The following LPP variants were observed in gnomAD, a reference collection of about 807,000 sequenced individuals.
LPP encodes the protein LIM domain containing preferred translocation partner in lipoma, also known as lipoma-preferred partner.
LPP carries 38 observed loss-of-function variants against 60.4 expected under a neutral mutation model. That is an observed-to-expected ratio of 0.63 (90% confidence interval 0.49 to 0.83). The LOEUF is 0.83. Ranked by LOEUF, LPP falls within the 40% of genes least tolerant of loss-of-function variation. The pLI is 0.00. For synonymous variants in LPP, 328 were observed against 290.8 expected, an observed-to-expected ratio of 1.13 and a Z score of -1.30; for missense variants, 902 against 783.6, an observed-to-expected ratio of 1.15 and a Z score of -1.80.
chr3:188,800,826 A>G (rs1747009699), intron 9 of LPP, among the ~76,000 whole-genome samples: 1 of 152,144 alleles, frequency 6.6e-6, no homozygotes, highest in Non-Finnish European at 1.5e-5. Flanking sequence ...TATGCTTAGT[A>G]ACTGCTTGCC....
At chr3:188,466,087 C>T (rs746035749) in intron 4 of LPP, among the ~76,000 whole-genome samples, 1 of 152,058 alleles carries the variant, frequency 6.6e-6, no homozygotes, top group African/African-American at 2.4e-5. Flanking sequence ...CTTTAGACTG[C>T]CTGGTGACTA....
chr3:188,250,313 G>A (rs1424784688), intron 2 of LPP, among the ~76,000 whole-genome samples: 1 of 152,042 alleles, frequency 6.6e-6, no homozygotes, highest in Non-Finnish European at 1.5e-5. Flanking sequence ...GTTTCTTCAT[G>A]TTTTGATTCA....
At chr3:188,579,327 C>T (rs542429632) in intron 6 of LPP, among the ~76,000 whole-genome samples, 3 of 152,260 alleles carry the variant, frequency 2.0e-5, no homozygotes, top group Non-Finnish European at 2.9e-5. Flanking sequence ...GAAAAAAGGT[C>T]GGAAAGTGAC....
Position 188,259,137 on chromosome 3 carries a change from TTA to T in LPP, c.-67+33613_-67+33614del, listed in dbSNP as rs573275831. 4.2e-3 allele frequency among the ~76,000 whole-genome samples: 633 copies of T among 152,330 alleles called. 4 individuals carry two copies. The highest frequency in any genetic ancestry group is 0.015 in the African/African-American group (612 of 41,572). On this transcript the variant is annotated intron_variant, in intron 2 of 11. Coordinates refer to ENST00000617246, the MANE Select transcript of LPP (RefSeq NM_001375462.1). ...TACTCCAGAACATACTATGGCTTGT[TTA>T]TACTAGCTTGAATATTTGTAGTCTC... is the stretch of plus-strand genomic sequence containing the variant.
chr3:188,464,412 G>C (rs1799864068), intron 4 of LPP, among the ~76,000 whole-genome samples: 1 of 152,156 alleles, frequency 6.6e-6, no homozygotes, highest in African/African-American at 2.4e-5. Context: ...GTGCTCAGTA[G>C]CCATCCCTTG....
chr3:188,250,196 C>T (rs1219401313), intron 2 of LPP, among the ~76,000 whole-genome samples: 1 of 152,108 alleles, frequency 6.6e-6, no homozygotes, highest in Non-Finnish European at 1.5e-5. Flanking sequence ...TCTTTAGTCT[C>T]CTTTGATTTG....
chr3:188,154,553 T>C (rs757457623), intron 1 of LPP, among the ~76,000 whole-genome samples: 4 of 152,112 alleles, frequency 2.6e-5, no homozygotes, highest in Non-Finnish European at 5.9e-5. Flanking sequence ...GCCCATCCGC[T>C]TAGAGCTTTC....
At chr3:188,466,834 T>G (rs10937348) in intron 4 of LPP, among the ~76,000 whole-genome samples, 6,034 of 126,092 alleles carry the variant, frequency 0.048, 548 homozygotes, top group African/African-American at 0.14. Context: ...TATATATATA[T>G]ATATATATGC....
intron 2 of LPP, among the ~76,000 whole-genome samples, chr3:188,259,278 G>A (rs1732754003): frequency 6.6e-6 from 1 of 152,130 alleles, no homozygotes; most frequent in Admixed American, 6.6e-5. Context: ...TGCTTCTGTG[G>A]AAATACACCC....
intron 5 of LPP, among the ~76,000 whole-genome samples, chr3:188,488,026 T>G (rs1206524958): frequency 6.6e-6 from 1 of 151,876 alleles, no homozygotes; most frequent in African/African-American, 2.4e-5. Flanking sequence ...TTTCCTTTTT[T>G]TTTTTTTTTT....
chr3:188,826,967 A>C (rs575540296), intron 9 of LPP, among the ~76,000 whole-genome samples: 1 of 152,260 alleles, frequency 6.6e-6, no homozygotes, highest in African/African-American at 2.4e-5. Context: ...CTGTACTGTT[A>C]AGAGAATACA....
chr3:188,275,717 C>T (rs956242662), intron 2 of LPP, among the ~76,000 whole-genome samples: 1 of 152,074 alleles, frequency 6.6e-6, no homozygotes, highest in Non-Finnish European at 1.5e-5. Context: ...TCTCTGTTGC[C>T]CAGACTGGAG....
intron 7 of LPP, among the ~76,000 whole-genome samples, chr3:188,671,613 A>C (rs1363968369): frequency 6.6e-6 from 1 of 152,190 alleles, no homozygotes; most frequent in Non-Finnish European, 1.5e-5. Flanking sequence ...TTGCCCAGAA[A>C]GTCATGAATT....
At chr3:188,766,431 G>T (rs1297003121) in intron 9 of LPP, among the ~76,000 whole-genome samples, 1 of 145,212 alleles carries the variant, frequency 6.9e-6, no homozygotes, top group Non-Finnish European at 1.5e-5. Flanking sequence ...ATTAACATTT[G>T]CTCAGTGCTT....
At chr3:188,299,130 G>A (rs1748896686) in intron 2 of LPP, among the ~76,000 whole-genome samples, 1 of 152,174 alleles carries the variant, frequency 6.6e-6, no homozygotes, top group Admixed American at 6.5e-5. Context: ...TTGCTCATGG[G>A]CTGAGCTAGA....
At position 188,684,965 on chromosome 3, in the gene LPP, G is replaced by A. The variant is rs184754340; in HGVS notation, c.1114-23302G>A. ...AGTAATTGGTGCCTCAGAAGAGTTA[G>A]GTATTTATTCATTTACCAAATACTT... On this transcript the variant is annotated intron_variant, in intron 7 of 11. Transcript: ENST00000617246. 1.2e-4 allele frequency among the ~76,000 whole-genome samples: 19 copies of A among 152,260 alleles called. No homozygotes were observed. The East Asian group carries it at 1.5e-3, about 12-fold the overall frequency.
At chr3:188,591,968 AG>A (rs1838812796) in intron 6 of LPP, among the ~76,000 whole-genome samples, 1 of 152,214 alleles carries the variant, frequency 6.6e-6, no homozygotes, top group Non-Finnish European at 1.5e-5. Context: ...AGAAGTGTGG[AG>A]GTGGGAGCTG....
rs1833787332 is a variant in LPP, at chr3:188,572,686, TG to T, written c.430-36474del. On this transcript the variant is annotated intron_variant, in intron 6 of 11. Coordinates refer to ENST00000617246, the MANE Select transcript of LPP (RefSeq NM_001375462.1). The surrounding 1 kb of genome is among the most constrained non-coding windows in gnomAD (Gnocchi z 4.1). ...TGAGGATTAAATTGAATGATAGGGG[TG>T]TAAGCACTTTGTAAATCCAAGTAAG... is the stretch of plus-strand genomic sequence containing the variant. 6.6e-6 allele frequency among the ~76,000 whole-genome samples: 1 copy of T among 152,098 alleles called. No homozygotes were observed. Among genetic ancestry groups the T allele is most frequent in the Non-Finnish European group, 1.5e-5 (1 of 68,018 alleles).
chr3:188,670,266 A>T (rs189000786), intron 7 of LPP, among the ~76,000 whole-genome samples: 101 of 152,302 alleles, frequency 6.6e-4, no homozygotes, highest in African/African-American at 2.4e-3. Flanking sequence ...AAAAAAATAA[A>T]TTAATTAGTT....
Sources: gnomAD v4.1 joint callset for allele counts (sites outside exome capture counted in the v4.1 genomes callset) on GRCh38, gnomAD v4.1.1 for gene constraint, Gnocchi (gnomAD v3.1) non-coding constraint, MANE v1.5 for transcripts, NCBI Gene and HGNC (gene_info 2026-07-23, HGNC 2026-07-21) for gene names.